The following GCNT1 variants were observed in gnomAD, a reference collection of about 807,000 sequenced individuals.
GCNT1 encodes glucosaminyl (N-acetyl) transferase 1, also known as beta-1,3-galactosyl-O-glycosyl-glycoprotein beta-1,6-N-acetylglucosaminyltransferase.
A neutral mutation model predicts 26.2 loss-of-function variants in GCNT1; 16 were observed. The observed-to-expected ratio is 0.61, with a 90% CI of 0.41 to 0.93. The LOEUF is 0.93. GCNT1 is among the 40% of genes least tolerant of loss of function. GCNT1 has a pLI of 0.00. For missense variants in GCNT1, 477 were observed against 526.7 expected (o/e 0.91, Z 0.92); for synonymous variants, 183 against 190.8 (o/e 0.96, Z 0.34).
chr9:76,501,884 A>G (rs1394394709), intron 3 of GCNT1: 1 of 152,236 alleles, frequency 6.6e-6, no homozygotes, highest in Non-Finnish European at 1.5e-5. Flanking sequence ...TTCAATCATT[A>G]TTGCCTAGGC....
At chr9:76,483,692 C>T (rs1218928466) in intron 2 of GCNT1, among the ~76,000 whole-genome samples, 7 of 151,790 alleles carry the variant, frequency 4.6e-5, no homozygotes, top group Non-Finnish European at 8.8e-5. Flanking sequence ...CAAAGTGCTA[C>T]GATAACAGGC....
intron 1 of GCNT1, among the ~76,000 whole-genome samples, chr9:76,445,799 A>G (rs1823566975): frequency 6.6e-6 from 1 of 151,668 alleles, no homozygotes; most frequent in Non-Finnish European, 1.5e-5. Context: ...ACATGGTGAG[A>G]CTCCTGTCTC....
At chr9:76,491,609 C>T (rs1824739442) in intron 2 of GCNT1, among the ~76,000 whole-genome samples, 1 of 152,218 alleles carries the variant, frequency 6.6e-6, no homozygotes, top group Admixed American at 6.5e-5. Context: ...AGTACTGTTA[C>T]ATCACTAACT....
chr9:76,495,340 A>T (rs994423541), intron 2 of GCNT1, among the ~76,000 whole-genome samples: 7 of 152,138 alleles, frequency 4.6e-5, no homozygotes, highest in African/African-American at 1.7e-4. Context: ...CGCTGACTTC[A>T]TGAGTGAAGC....
the GCNT1 span, among the ~76,000 whole-genome samples, chr9:76,411,154 G>A: frequency 2.0e-5 from 3 of 152,000 alleles, no homozygotes; most frequent in Admixed American, 1.3e-4. Context: ...GACAATCTCT[G>A]TATTTTAATT....
At chr9:76,481,340 A>G (rs1264834249) in intron 2 of GCNT1, among the ~76,000 whole-genome samples, 1 of 151,800 alleles carries the variant, frequency 6.6e-6, no homozygotes, top group Non-Finnish European at 1.5e-5. Flanking sequence ...TGTCCAACTC[A>G]CTGCCAAGGA....
chr9:76,395,633 G>A, the GCNT1 span, among the ~76,000 whole-genome samples: 1 of 152,080 alleles, frequency 6.6e-6, no homozygotes, highest in African/African-American at 2.4e-5. Context: ...GAAGGGAAAG[G>A]AAAGGGGAAG....
chr9:76,408,671 C>T, the GCNT1 span, among the ~76,000 whole-genome samples: 51,061 of 151,802 alleles, frequency 0.34, 9,123 homozygotes, highest in Middle Eastern at 0.4. Flanking sequence ...CCACTTCCTC[C>T]GCTTCTATTT....
rs112469448 is a variant in GCNT1 at position 76,475,060 on chromosome 9, C to T, written c.-290+14883C>T. Among the ~76,000 whole-genome samples the T allele has an allele frequency of 6.3e-3, 956 of 152,224 alleles. 11 individuals are homozygous for T. The highest frequency in any genetic ancestry group is 0.022 in the African/African-American group (902 of 41,546). On this transcript the variant is annotated intron_variant, in intron 2 of 3. Transcript: ENST00000376730. Reference sequence around the variant, plus strand: ...TTGAGTAGCTGGGATTACAGGTGCCCGCCACCACGCCCGGCTTTCTCTGAA... The same window carrying T: ...TTGAGTAGCTGGGATTACAGGTGCCTGCCACCACGCCCGGCTTTCTCTGAA...
the GCNT1 span, among the ~76,000 whole-genome samples, chr9:76,401,458 G>T: frequency 6.6e-6 from 1 of 152,018 alleles, no homozygotes; most frequent in South Asian, 2.1e-4. Flanking sequence ...AACCACAAAT[G>T]TATTTGTGGT....
At chr9:76,442,775 A>G (rs1028284291) in intron 1 of GCNT1, among the ~76,000 whole-genome samples, 1 of 152,152 alleles carries the variant, frequency 6.6e-6, no homozygotes. Context: ...TTAAGTTACA[A>G]AGTACCATAT....
intron 1 of GCNT1, among the ~76,000 whole-genome samples, chr9:76,451,072 G>A (rs1823657824): frequency 6.6e-6 from 1 of 152,136 alleles, no homozygotes; most frequent in Admixed American, 6.6e-5. Context: ...TTCCTGGACA[G>A]TACATTTATG....
intron 1 of GCNT1, among the ~76,000 whole-genome samples, chr9:76,431,412 G>A (rs1381476594): frequency 1.3e-5 from 2 of 152,146 alleles, no homozygotes; most frequent in Non-Finnish European, 2.9e-5. Context: ...CAGAACTCAG[G>A]AAAGTGCTAC....
chr9:76,403,018 G>T, the GCNT1 span, among the ~76,000 whole-genome samples: 1 of 152,094 alleles, frequency 6.6e-6, no homozygotes, highest in Non-Finnish European at 1.5e-5. Flanking sequence ...GGAAATGGAA[G>T]GTTGTCAGTA....
chr9:76,460,498 G>A (rs1438626486), intron 2 of GCNT1, among the ~76,000 whole-genome samples: 1 of 152,096 alleles, frequency 6.6e-6, no homozygotes, highest in Non-Finnish European at 1.5e-5. Flanking sequence ...GGAGGAGGAG[G>A]GCTTAGTAGT....
rs1825241647 is a variant in GCNT1 at position 76,506,449 on chromosome 9, T to C, written c.*2781T>C. ...TACCTGGGAGGCTGAGGCAGGAGAA[T>C]CTCTTGAGCCCAGGAGGCGGAGGTT... On this transcript the variant is annotated 3_prime_UTR_variant, in exon 4 of 4. Coordinates refer to ENST00000376730, the MANE Select transcript of GCNT1 (RefSeq NM_001490.5). 1 of 166,602 alleles carries C rather than the reference T, an allele frequency of 6.0e-6. No individual in the cohort carries two copies. Among genetic ancestry groups the C allele is most frequent in the Admixed American group, 6.6e-5 (1 of 15,266 alleles). 10.3% of individuals were successfully genotyped at this position (166,602 alleles called of 1,614,324 possible).
chr9:76,396,490 GAA>G, the GCNT1 span, among the ~76,000 whole-genome samples: 3 of 150,282 alleles, frequency 2.0e-5, no homozygotes, highest in Non-Finnish European at 4.4e-5. Context: ...AAAGAAACAA[GAA>G]AAAAAAGAAG....
intron 2 of GCNT1, among the ~76,000 whole-genome samples, chr9:76,478,098 C>T (rs1824299072): frequency 6.6e-6 from 1 of 152,166 alleles, no homozygotes; most frequent in East Asian, 1.9e-4. Context: ...GTAAAATGGA[C>T]CAATCAGCAG....
intron 2 of GCNT1, among the ~76,000 whole-genome samples, chr9:76,494,784 T>C (rs1355256681): frequency 6.6e-6 from 1 of 152,148 alleles, no homozygotes; most frequent in Non-Finnish European, 1.5e-5. Context: ...ATAGGATAGA[T>C]GGGCGAGTCT....
Sources: allele counts gnomAD v4.1 joint callset (sites outside exome capture counted in the v4.1 genomes callset), GRCh38; gene constraint gnomAD v4.1.1; transcripts MANE v1.5; gene names NCBI Gene and HGNC (gene_info 2026-07-23, HGNC 2026-07-21).